The following GFAP variants were observed in gnomAD, a reference collection of about 807,000 sequenced individuals.
The protein encoded by GFAP is glial fibrillary acidic protein.
GFAP carries 38 observed loss-of-function variants against 49.3 expected under a neutral mutation model. That is an observed-to-expected ratio of 0.77 (90% confidence interval 0.60 to 1.01). The LOEUF (loss-of-function observed/expected upper bound fraction) is 1.01. Among genes scored for constraint, GFAP ranks in the 50% least tolerant of loss-of-function variants. The pLI is 0.00. For synonymous variants in GFAP, 222 were observed against 236.4 expected (o/e 0.94, Z 0.56); for missense variants, 463 against 579.1 (o/e 0.80, Z 2.06).
chr17:44,904,394 C>T lies in GFAP; in HGVS notation c.*2953G>A, dbSNP rs548926430. ...CTGCGGAGTGCGTGGGGAGCAGTGG[C>T]GCATCGGCCTCTGCTACCTGCAGAG... On this transcript the variant is annotated 3_prime_UTR_variant, in exon 9 of 9. Transcript: ENST00000588735. The T allele has an allele frequency of 3.4e-5, 53 of 1,542,106 alleles. No individual in the cohort carries two copies. Among genetic ancestry groups the T allele is most frequent in the Non-Finnish European group, 4.3e-5 (49 of 1,140,790 alleles).
In GFAP at chr17:44,904,800, T is replaced by C. The variant is rs2051627303; in HGVS notation, c.*2547A>G. The C allele has an allele frequency of 4.5e-6, 7 of 1,550,494 alleles. No individual in the cohort carries two copies. The highest frequency in any genetic ancestry group is 6.1e-6 in the Non-Finnish European group (7 of 1,146,950). ...GTCAACAGGTCCATGAGGGTGTTCA[T>C]TGACCACGGCAACCAGCTCCACATC... On this transcript the variant is annotated 3_prime_UTR_variant, in exon 9 of 9. Transcript: ENST00000588735.
chr17:44,904,631 T>C lies in GFAP; in HGVS notation c.*2716A>G. ...TGTGTCCAAAGTGGGCAGCCGGCCC[T>C]GGGTGCCCCAGGTGCCCATTCAGTT... On this transcript the variant is annotated 3_prime_UTR_variant, in exon 9 of 9. Transcript: ENST00000588735. 2 of 1,550,578 alleles carry C rather than the reference T, an allele frequency of 1.3e-6. No individual in the cohort carries two copies. Among genetic ancestry groups the C allele is most frequent in the Non-Finnish European group, 1.7e-6 (2 of 1,146,994 alleles).
In GFAP at chr17:44,907,131, T is replaced by C; in HGVS notation, c.*216A>G. ...CCTTGGGGGTGAGTTTCTTGTTAGT[T>C]GGAGTTGCTGGGTGCTGGGTGGGTG... is the stretch of plus-strand genomic sequence containing the variant. On this transcript the variant is annotated 3_prime_UTR_variant, in exon 9 of 9. Coordinates refer to ENST00000588735, the MANE Select transcript of GFAP (RefSeq NM_002055.5). 1 of 607,758 alleles carries C rather than the reference T, an allele frequency of 1.6e-6. No homozygotes were observed. The highest frequency in any genetic ancestry group is 3.0e-6 in the Non-Finnish European group (1 of 337,666). The allele number at this position is 607,758 out of a possible 1,614,324, so 37.6% of individuals were successfully genotyped here. A position where few individuals can be genotyped will look rare whatever the true frequency, so the allele number is the denominator to read the frequency against.
chr17:44,903,944 G>A lies in GFAP; in HGVS notation c.*3403C>T. 9 of 1,550,598 alleles carry A rather than the reference G, an allele frequency of 5.8e-6. No individual in the cohort carries two copies. The highest frequency in any genetic ancestry group is 2.6e-6 in the Non-Finnish European group (3 of 1,147,004). On this transcript the variant is annotated 3_prime_UTR_variant, in exon 9 of 9. Coordinates refer to ENST00000588735, the MANE Select transcript of GFAP (RefSeq NM_002055.5). ...CCCCTGCCCTGCTTTCCTGATGTTT[G>A]AAAATGCAGCCTACCTGGCCGACAT... is the stretch of plus-strand genomic sequence containing the variant.
rs2051682404 is a variant in GFAP at position 44,908,136 on chromosome 17, G to A, written c.1185C>T (p.Asp395=). ...GGTGGCCTTCTGACACAGACTTGGT[G>A]TCCAGGCTGGTTTCTGCAGATGTGG... The part of the protein sequence containing the change: ...SNLQIRETSL[D]TKSVSEGHLK... Residue 395 remains aspartate (D), a synonymous_variant, in exon 8 of 9, where the codon GAC becomes GAT. Coordinates refer to ENST00000588735, the MANE Select transcript of GFAP (RefSeq NM_002055.5). 3.1e-6 allele frequency: 5 copies of A among 1,608,886 alleles called. No individual in the cohort carries two copies. The highest frequency in any genetic ancestry group is 4.3e-6 in the Non-Finnish European group (5 of 1,175,466).
At chr17:44,910,448 C>T in intron 7 of GFAP, 167 bp downstream of exon 7, 1 of 1,569,424 alleles carries the variant, frequency 6.4e-7, no homozygotes, top group Non-Finnish European at 8.6e-7. Flanking sequence ...CCTAGAAGTA[C>T]CCTGGTATGA....
intron 7 of GFAP, chr17:44,910,032 G>T: frequency 1.3e-6 from 2 of 1,595,944 alleles, no homozygotes; most frequent in Middle Eastern, 1.8e-4. Context: ...AGGCCCTTTA[G>T]GGGAAGCCTG....
intron 5 of GFAP, 94 bp downstream of exon 5, chr17:44,911,578 A>C (rs1597858524): frequency 6.3e-6 from 10 of 1,580,202 alleles, no homozygotes; most frequent in Non-Finnish European, 8.6e-6. Flanking sequence ...CCCGCCCTCG[A>C]CCCAGGTCCT....
At chr17:44,913,105 A>G (rs1259982845) in intron 4 of GFAP, among the ~76,000 whole-genome samples, 164 bp downstream of exon 4, 4 of 152,214 alleles carry the variant, frequency 2.6e-5, no homozygotes, top group Admixed American at 6.5e-5. Flanking sequence ...TTTGAAAGCA[A>G]TAGTGCCTGT....
Position 44,915,026 on chromosome 17 carries a change from T to G in GFAP, c.461A>C (p.Lys154Thr). 6.2e-7 allele frequency: 1 copy of G among 1,609,760 alleles called. No individual in the cohort carries two copies. Among genetic ancestry groups the G allele is most frequent in the Non-Finnish European group, 8.5e-7 (1 of 1,179,360 alleles). Residue 154 changes from lysine (K) to threonine (T), a missense_variant and splice_region_variant, in exon 1 of 9, where the codon AAG becomes ACG. By Grantham distance (78) the Lys-to-Thr change is moderately conservative (BLOSUM62 -1). Coordinates refer to ENST00000588735, the MANE Select transcript of GFAP (RefSeq NM_002055.5). The surrounding 1 kb of genome is among the most constrained non-coding windows in gnomAD (Gnocchi z 4.1). ...CCCCCCTTCCCCATCCCCTCCTCAC[T>G]TCTGCCTCACAGTGGCCAGGTCCTG... ...LAQDLATVRQ[K>T]LQDETNLRLE... is the part of the protein sequence containing the mutation.
In GFAP at chr17:44,911,417, G is replaced by T; in HGVS notation, c.946C>A (p.Arg316=). The T allele has an allele frequency of 6.2e-7, 1 of 1,611,934 alleles. No individual in the cohort carries two copies. The highest frequency in any genetic ancestry group is 1.1e-5 in the South Asian group (1 of 90,932). ...TAACTGGCCGCCTCCCGCACGTGCC[G>T]CTCCTCCTGCTCGCGCATCTGCCTC... ...LERQMREQEE[R]HVREAASYQE... Residue 316 remains arginine (R), a synonymous_variant, in exon 6 of 9, where the codon CGG becomes AGG. Transcript: ENST00000588735.
At chr17:44,910,814 A>C (rs2051746028) in intron 6 of GFAP, 156 bp from the exon 7 acceptor site, 1 of 1,079,748 alleles carries the variant, frequency 9.3e-7, no homozygotes, top group African/African-American at 1.6e-5. Flanking sequence ...CCAACGTGCT[A>C]TCTGGAGTTC....
In GFAP at chr17:44,909,927, C is replaced by T. The variant is rs113200281; in HGVS notation, c.1171+688G>A. On this transcript the variant is annotated intron_variant, in intron 7 of 8. Coordinates refer to ENST00000588735, the MANE Select transcript of GFAP (RefSeq NM_002055.5). The stretch of plus-strand genomic sequence containing the variant: ...CACTGCGCACCCAAGGACTCACCAC[C>T]TTTACCACTAACAAGCTCTGCCAGT... 4.2e-6 allele frequency: 6 copies of T among 1,421,948 alleles called. No individual in the cohort carries two copies. In the African/African-American group the frequency reaches 5.8e-5, roughly 14 times the overall value. The allele number at this position is 1,421,948 out of a possible 1,614,324, so 88.1% of individuals were successfully genotyped here. A position where few individuals can be genotyped will look rare whatever the true frequency, so the allele number is the denominator to read the frequency against.
rs1236176019 is a variant in GFAP, at chr17:44,915,381, G to A, written c.106C>T (p.Arg36Cys). 16 of 1,608,548 alleles carry A rather than the reference G, an allele frequency of 9.9e-6. No homozygotes were observed. Among genetic ancestry groups the A allele is most frequent in the East Asian group, 8.9e-5 (4 of 44,790 alleles). The change falls in exon 1 of 9, where the codon CGC becomes TGC. Residue 36 changes from arginine (R) to cysteine (C), a missense_variant. Around this residue, in one of 3 missense-constraint regions of GFAP, gnomAD observed 89 missense variants for 87.5 expected, o/e 1.02. Coordinates refer to ENST00000588735, the MANE Select transcript of GFAP (RefSeq NM_002055.5). This position sits in a 1 kb window ranked among gnomAD's most constrained non-coding sequence, Gnocchi z 4.1. ...APGRRLGPGT[R>C]LSLARMPPPL... ...GGGGGCATTCGAGCCAGGGAGAGGCGGGTGCCAGGACCCAGACGGCGGCCA... is the reference window on the plus strand; with the variant it reads ...GGGGGCATTCGAGCCAGGGAGAGGCAGGTGCCAGGACCCAGACGGCGGCCA...
At position 44,914,026 on chromosome 17, in the gene GFAP, A is replaced by T; in HGVS notation, c.522+2T>A. On this transcript the variant is annotated splice_donor_variant, in intron 2 of 8. Transcript: ENST00000588735. LOFTEE classifies it high-confidence loss of function. ...CCTGCCCCTCCCCTCCACCTCCCTG[A>T]CCTGTCTATAGGCAGCCAGGTTGTT... The T allele has an allele frequency of 1.3e-6, 2 of 1,550,242 alleles. No individual in the cohort carries two copies. Among genetic ancestry groups the T allele is most frequent in the South Asian group, 1.2e-5 (1 of 84,736 alleles).
At chr17:44,910,584 T>C in intron 7 of GFAP, 31 bp downstream of exon 7, 3 of 1,563,072 alleles carry the variant, frequency 1.9e-6, no homozygotes, top group Non-Finnish European at 2.6e-6. Flanking sequence ...AGGACTCCAG[T>C]GCCCTTCCCA....
intron 7 of GFAP, 21 bp from the exon 8 acceptor site, chr17:44,908,170 G>C: frequency 6.5e-7 from 1 of 1,541,052 alleles, no homozygotes; most frequent in Non-Finnish European, 9.0e-7. Flanking sequence ...GGGGAGAGGA[G>C]GCCTCTCATG....
At position 44,904,410 on chromosome 17, in the gene GFAP, AC is replaced by A; in HGVS notation, c.*2936del. ...GAGCAGTGGCGCATCGGCCTCTGCT[AC>A]CTGCAGAGCCCAGACCTCTCCCCAC... On this transcript the variant is annotated 3_prime_UTR_variant, in exon 9 of 9. Transcript: ENST00000588735. 1 of 1,542,510 alleles carries A rather than the reference AC, an allele frequency of 6.5e-7. No individual in the cohort carries two copies. Among genetic ancestry groups the A allele is most frequent in the Non-Finnish European group, 8.8e-7 (1 of 1,141,014 alleles).
rs888478313 is a variant in GFAP at position 44,910,085 on chromosome 17, G to A, written c.1171+530C>T. 3.1e-6 allele frequency: 5 copies of A among 1,613,180 alleles called. No homozygotes were observed. In the African/African-American group the frequency reaches 6.7e-5, roughly 22 times the overall value. On this transcript the variant is annotated intron_variant, in intron 7 of 8. Coordinates refer to ENST00000588735, the MANE Select transcript of GFAP (RefSeq NM_002055.5). ...GGGATTGGGAGGATGGGGTGGGTGA[G>A]GCTCACTCCCTGTCAAGCTGGGCAA...
Sources: allele counts gnomAD v4.1 joint callset (sites outside exome capture counted in the v4.1 genomes callset), GRCh38; gene constraint gnomAD v4.1.1; regional missense constraint gnomAD v4.1.1; non-coding constraint Gnocchi (gnomAD v3.1); transcripts MANE v1.5; gene names NCBI Gene and HGNC (gene_info 2026-07-23, HGNC 2026-07-21).